Variants in CHLSN observed in about 807,000 individuals in gnomAD.
The protein encoded by CHLSN is protein cholesin.
the CHLSN span, among the ~76,000 whole-genome samples, chr7:1,008,429 C>G: frequency 1.2e-4 from 18 of 152,198 alleles, no homozygotes; most frequent in African/African-American, 4.1e-4. Flanking sequence ...GTTCTTGGAG[C>G]AAGAAAGAGC....
the CHLSN span, among the ~76,000 whole-genome samples, chr7:1,071,275 TACA>T: frequency 2.0e-5 from 3 of 152,250 alleles, no homozygotes; most frequent in African/African-American, 7.2e-5. Context: ...GAAACAGCTG[TACA>T]ACAACATAGG....
chr7:1,012,770 C>T, the CHLSN span, among the ~76,000 whole-genome samples: 1 of 151,922 alleles, frequency 6.6e-6, no homozygotes, highest in Non-Finnish European at 1.5e-5. Flanking sequence ...GAGCCAGGGG[C>T]CTTGGGGGTG....
the CHLSN span, among the ~76,000 whole-genome samples, chr7:1,089,426 G>A: frequency 2.1e-3 from 135 of 63,882 alleles, no homozygotes; most frequent in African/African-American, 0.01. Context: ...GTGTGATCTC[G>A]GCTGAGGCTC....
the CHLSN span, among the ~76,000 whole-genome samples, chr7:1,020,147 G>A: frequency 7.0e-6 from 1 of 142,472 alleles, no homozygotes; most frequent in African/African-American, 2.7e-5. Context: ...GTGCATGGAT[G>A]CGGCAGGCCC....
the CHLSN span, chr7:1,092,160 C>T: frequency 1.2e-4 from 195 of 1,613,308 alleles, no homozygotes; most frequent in Admixed American, 8.3e-5. Context: ...TGTACAGCAG[C>T]GTCTTCTTCC....
the CHLSN span, among the ~76,000 whole-genome samples, chr7:1,038,544 T>C: frequency 2.6e-3 from 151 of 58,166 alleles, no homozygotes; most frequent in African/African-American, 2.8e-3. Flanking sequence ...GGGTCAGCCC[T>C]CCGCCCGGCC....
chr7:988,725 C>G, the CHLSN span: 2 of 1,599,598 alleles, frequency 1.3e-6, no homozygotes, highest in Non-Finnish European at 1.7e-6. Flanking sequence ...CTGCTGCCCC[C>G]GCCTGGCGTC....
the CHLSN span, among the ~76,000 whole-genome samples, chr7:1,063,494 T>C: frequency 6.6e-6 from 1 of 152,350 alleles, no homozygotes; most frequent in African/African-American, 2.4e-5. Context: ...ACTCTGCTGC[T>C]GACAAACATG....
chr7:1,085,476 G>A, the CHLSN span, among the ~76,000 whole-genome samples: 3 of 152,236 alleles, frequency 2.0e-5, no homozygotes, highest in East Asian at 3.9e-4. Flanking sequence ...ACCATGAGAC[G>A]GGGAGAAGGA....
At chr7:1,062,217 A>G in the CHLSN span, among the ~76,000 whole-genome samples, 2 of 152,332 alleles carry the variant, frequency 1.3e-5, no homozygotes, top group African/African-American at 4.8e-5. Flanking sequence ...TCACTTCATT[A>G]AAGTTCTAAG....
the CHLSN span, among the ~76,000 whole-genome samples, chr7:1,016,437 GCACGCCAGCA>G: frequency 1.1e-5 from 1 of 87,882 alleles, no homozygotes; most frequent in Admixed American, 1.3e-4. Flanking sequence ...ACACAGCAGC[GCACGCCAGCA>G]CACAGCAGCG....
chr7:1,006,822 C>T, the CHLSN span, among the ~76,000 whole-genome samples: 3 of 152,168 alleles, frequency 2.0e-5, no homozygotes, highest in East Asian at 5.8e-4. Flanking sequence ...ATCCCCCATC[C>T]CACCCTCTGG....
At chr7:990,376 G>T in the CHLSN span, among the ~76,000 whole-genome samples, 1,222 of 149,470 alleles carry the variant, frequency 8.2e-3, 72 homozygotes, top group East Asian at 0.13. Context: ...ACAGTGGCGC[G>T]TGTGCTGGGG....
At chr7:1,078,589 T>G in the CHLSN span, among the ~76,000 whole-genome samples, 1 of 152,096 alleles carries the variant, frequency 6.6e-6, no homozygotes, top group Non-Finnish European at 1.5e-5. Context: ...CCACGCCGGT[T>G]CATCTCGTCT....
the CHLSN span, chr7:983,241 C>T: frequency 2.5e-3 from 3,815 of 1,529,592 alleles, 7 homozygotes; most frequent in Non-Finnish European, 3.2e-3. Flanking sequence ...TGTTCCTGGG[C>T]CTCCTGGGGC....
chr7:1,004,400 G>C, the CHLSN span, among the ~76,000 whole-genome samples: 1 of 152,162 alleles, frequency 6.6e-6, no homozygotes, highest in East Asian at 1.9e-4. Context: ...GGTGTTCCCA[G>C]AGCCCACGCA....
the CHLSN span, chr7:1,093,388 AGAG>A: frequency 1.8e-5 from 8 of 445,838 alleles, no homozygotes; most frequent in African/African-American, 1.2e-4. Context: ...GCCGAGTTAA[AGAG>A]GAGAAGGAAA....
At chr7:1,009,586 G>A in the CHLSN span, among the ~76,000 whole-genome samples, 2 of 152,174 alleles carry the variant, frequency 1.3e-5, no homozygotes, top group East Asian at 1.9e-4. Flanking sequence ...TGTGAGTGAG[G>A]GCTGAAGGCC....
At chr7:1,108,356 C>T in the CHLSN span, among the ~76,000 whole-genome samples, 3 of 96,120 alleles carry the variant, frequency 3.1e-5, no homozygotes, top group Non-Finnish European at 6.6e-5. Context: ...GGCTGTGTCC[C>T]GCACCCCGGG....
Sources: allele counts gnomAD v4.1 joint callset (sites outside exome capture counted in the v4.1 genomes callset), GRCh38; gene constraint gnomAD v4.1.1; transcripts MANE v1.5; gene names NCBI Gene and HGNC (gene_info 2026-07-23, HGNC 2026-07-21).